VPS53: variants seen among roughly 807,000 people sequenced by gnomAD.
The protein encoded by VPS53 is VPS53 subunit of GARP complex.
In VPS53, 70 loss-of-function variants were observed where a neutral mutation model predicts 107.0. The ratio of observed to expected loss-of-function variants is 0.65; its 90% CI spans 0.54 to 0.80. The LOEUF (loss-of-function observed/expected upper bound fraction) is 0.80. Among genes scored for constraint, VPS53 ranks in the 30% least tolerant of loss-of-function variants. The probability of loss-of-function intolerance (pLI) is 0.00; values close to 1 mark genes in which losing one functional copy is unlikely to be tolerated. For missense variants in VPS53, 917 were observed against 1,049.4 expected (o/e 0.87, Z 1.74); for synonymous variants, 409 against 393.3 (o/e 1.04, Z -0.47).
intron 7 of VPS53, among the ~76,000 whole-genome samples, chr17:642,728 C>A (rs1454616647): frequency 6.7e-6 from 1 of 150,100 alleles, no homozygotes; most frequent in African/African-American, 2.4e-5. Context: ...GGACAACACT[C>A]ATACTTGGAA....
In VPS53 at chr17:623,656, A is replaced by G. The variant is rs199789211; in HGVS notation, c.993T>C (p.Ile331=). The G allele has an allele frequency of 1.6e-4, 253 of 1,612,664 alleles. No homozygotes were observed. The highest frequency in any genetic ancestry group is 2.1e-4 in the Non-Finnish European group (245 of 1,178,848). ...CAATTTCCTTCGCTCTGGTACGCAT[A>G]ATCTTGGCAAGTTCTGCCCTTCAAA... ...CHVTRAELAK[I]MRTRAKEIEV... is the part of the protein sequence containing the mutation. The change falls in exon 11 of 22, where the codon ATT becomes ATC. Residue 331 remains isoleucine, a synonymous_variant. Transcript: ENST00000437048.
intron 11 of VPS53, among the ~76,000 whole-genome samples, chr17:607,495 C>G (rs1968641086): frequency 6.6e-6 from 1 of 152,210 alleles, no homozygotes; most frequent in African/African-American, 2.4e-5. Context: ...AGAACAAGTC[C>G]TTGTGGGGAG....
chr17:619,819 C>T (rs1969385895), intron 11 of VPS53, among the ~76,000 whole-genome samples: 6 of 136,840 alleles, frequency 4.4e-5, no homozygotes, highest in African/African-American at 1.7e-4. Context: ...TACAGGCGTG[C>T]ACCACCACGC....
intron 7 of VPS53, 65 bp downstream of exon 7, chr17:653,226 T>C: frequency 6.3e-7 from 1 of 1,599,592 alleles, no homozygotes; most frequent in Non-Finnish European, 8.5e-7. Context: ...TGGTGACAGT[T>C]TACCTTTCGG....
At chr17:523,857 T>C (rs1357893572) in intron 19 of VPS53, among the ~76,000 whole-genome samples, 1 of 152,178 alleles carries the variant, frequency 6.6e-6, no homozygotes, top group Non-Finnish European at 1.5e-5. Flanking sequence ...ATGGCACTGA[T>C]TGCTCAAGGC....
At chr17:709,819 C>T (rs992262151) in intron 2 of VPS53, among the ~76,000 whole-genome samples, 3 of 152,072 alleles carry the variant, frequency 2.0e-5, no homozygotes, top group Admixed American at 6.6e-5. Flanking sequence ...GGAAAATCAC[C>T]GGACAAAAAA....
At chr17:546,329 T>TCTCACA (rs1555549994) in intron 17 of VPS53, among the ~76,000 whole-genome samples, 58 of 131,976 alleles carry the variant, frequency 4.4e-4, no homozygotes, top group Non-Finnish European at 6.2e-4. Context: ...CTTAGATATC[T>TCTCACA]CACACACACA....
intron 17 of VPS53, among the ~76,000 whole-genome samples, chr17:543,305 G>C (rs531589135): frequency 6.6e-6 from 1 of 152,188 alleles, no homozygotes; most frequent in Non-Finnish European, 1.5e-5. Flanking sequence ...TCTTCTACCT[G>C]TTTCAAAGTG....
In VPS53 at chr17:582,523, G is replaced by A. The variant is rs555945427; in HGVS notation, c.1313+3747C>T. Among the ~76,000 whole-genome samples, 101 of 147,994 alleles carry A rather than the reference G, an allele frequency of 6.8e-4. 4 individuals carry two copies. Among genetic ancestry groups the A allele is most frequent in the African/African-American group, 2.2e-3 (88 of 40,850 alleles). Reference sequence around the variant, plus strand: ...TCACTCAGGACCCAATGTGTTCCCAGAGAACCTCCACAGAAGCTCAATGCG... The same window carrying A: ...TCACTCAGGACCCAATGTGTTCCCAAAGAACCTCCACAGAAGCTCAATGCG... On this transcript the variant is annotated intron_variant, in intron 13 of 21. Coordinates refer to ENST00000437048, the MANE Select transcript of VPS53 (RefSeq NM_001128159.3).
intron 4 of VPS53, among the ~76,000 whole-genome samples, chr17:690,317 T>C (rs1349794746): frequency 1.3e-5 from 2 of 152,198 alleles, no homozygotes; most frequent in African/African-American, 2.4e-5. Context: ...ATGAAAGTCA[T>C]ATGAAGAAAG....
chr17:706,264 C>T (rs866068175), intron 2 of VPS53, among the ~76,000 whole-genome samples: 3 of 151,978 alleles, frequency 2.0e-5, no homozygotes, highest in Non-Finnish European at 2.9e-5. Flanking sequence ...TCAGGCCAGG[C>T]GTGGTGGCTC....
intron 13 of VPS53, among the ~76,000 whole-genome samples, chr17:570,171 A>G (rs1029154637): frequency 6.6e-6 from 1 of 151,888 alleles, no homozygotes; most frequent in African/African-American, 2.4e-5. Flanking sequence ...GTTCAAGACC[A>G]TCCTGACCAA....
chr17:599,187 C>T (rs1968192572), intron 12 of VPS53, among the ~76,000 whole-genome samples: 1 of 151,400 alleles, frequency 6.6e-6, no homozygotes, highest in South Asian at 2.1e-4. Context: ...GGCGCCTCTG[C>T]CCGGCCGCCC....
intron 12 of VPS53, among the ~76,000 whole-genome samples, chr17:593,180 A>G (rs1201862911): frequency 1.3e-5 from 2 of 152,104 alleles, no homozygotes; most frequent in Non-Finnish European, 2.9e-5. Flanking sequence ...AAAGACTTAA[A>G]CGTTAGACCT....
At chr17:669,419 G>A (rs530064356) in intron 4 of VPS53, among the ~76,000 whole-genome samples, 10 of 151,942 alleles carry the variant, frequency 6.6e-5, no homozygotes, top group African/African-American at 2.4e-4. Context: ...ACGAAACTCC[G>A]TCTCTACTAA....
chr17:580,881 G>A (rs974351171), intron 13 of VPS53, among the ~76,000 whole-genome samples: 4 of 134,366 alleles, frequency 3.0e-5, no homozygotes, highest in South Asian at 4.8e-4. Flanking sequence ...GAACCTCAAC[G>A]CATTCGCAGA....
rs1199273500 is a variant in VPS53, at chr17:572,353, C to T, written c.1314-9608G>A. Among the ~76,000 whole-genome samples, 3 of 150,040 alleles carry T rather than the reference C, an allele frequency of 2.0e-5. No individual in the cohort carries two copies. The East Asian group carries it at 5.9e-4, about 30-fold the overall frequency. ...GAGGAGCCCCTCCGCCCGGCAGCCGCCCCGTCTGAGAAGTGAGGAGCGTCT... is the reference window on the plus strand; with the variant it reads ...GAGGAGCCCCTCCGCCCGGCAGCCGTCCCGTCTGAGAAGTGAGGAGCGTCT... On this transcript the variant is annotated intron_variant, in intron 13 of 21. Coordinates refer to ENST00000437048, the MANE Select transcript of VPS53 (RefSeq NM_001128159.3).
intron 3 of VPS53, among the ~76,000 whole-genome samples, chr17:697,693 CTTG>C: frequency 1.3e-5 from 2 of 152,288 alleles, no homozygotes; most frequent in Non-Finnish European, 2.9e-5. Context: ...GATGCATCGC[CTTG>C]TTGTTAAAAA....
intron 12 of VPS53, chr17:601,093 A>C (rs1489784264): frequency 6.6e-6 from 1 of 152,180 alleles, no homozygotes; most frequent in African/African-American, 2.4e-5. Flanking sequence ...GCAAAACAAT[A>C]CCGTAAAATA....
Sources: allele counts gnomAD v4.1 joint callset (sites outside exome capture counted in the v4.1 genomes callset), GRCh38; gene constraint gnomAD v4.1.1; transcripts MANE v1.5; gene names NCBI Gene and HGNC (gene_info 2026-07-23, HGNC 2026-07-21).